Variants in ABLIM3 observed in about 807,000 individuals in gnomAD.
ABLIM3 encodes actin-binding LIM protein 3.
A neutral mutation model predicts 109.5 loss-of-function variants in ABLIM3; 61 were observed. That is an observed-to-expected ratio of 0.56 (90% CI 0.45 to 0.69). The LOEUF (loss-of-function observed/expected upper bound fraction) is 0.69. Among genes scored for constraint, ABLIM3 ranks in the 30% least tolerant of loss-of-function variants. ABLIM3 has a pLI of 0.00. For synonymous variants in ABLIM3, 300 were observed against 324.8 expected (o/e 0.92, Z 0.82); for missense variants, 796 against 889.5 (o/e 0.89, Z 1.34).
intron 2 of ABLIM3, among the ~76,000 whole-genome samples, chr5:149,165,538 A>G (rs950734271): frequency 3.9e-5 from 6 of 152,240 alleles, no homozygotes; most frequent in African/African-American, 1.4e-4. Context: ...AGTTCCAACT[A>G]GCTCAAGTGA....
rs184369806 is a variant in ABLIM3, at chr5:149,183,697, A to C, written c.151+108A>C. The C allele has an allele frequency of 1.4e-4, 177 of 1,280,414 alleles. 1 individual carries two copies. The African/African-American group carries it at 1.7e-3, about 12-fold the overall frequency. 79.3% of individuals were successfully genotyped at this position (1,280,414 alleles called of 1,614,324 possible). Reference sequence around the variant, plus strand: ...ACAAACACAGGTGGCTGGAATATCTATAAAGACCTAAAGAGACTTTCCCTG... The same window carrying C: ...ACAAACACAGGTGGCTGGAATATCTCTAAAGACCTAAAGAGACTTTCCCTG... On this transcript the variant is annotated intron_variant, in intron 3 of 23. Transcript: ENST00000309868.
At position 149,251,350 on chromosome 5, in the gene ABLIM3, C is replaced by T. The variant is rs746026359; in HGVS notation, c.1789-9C>T. On this transcript the variant is annotated splice_polypyrimidine_tract_variant and intron_variant, in intron 20 of 23. Coordinates refer to ENST00000309868, the MANE Select transcript of ABLIM3 (RefSeq NM_014945.5). The stretch of plus-strand genomic sequence containing the variant: ...TCTCAGGCCAGCCGTGGTTCTGTCT[C>T]TTCTGCAGACACCCAGCGCAGACCT... The T allele has an allele frequency of 2.4e-5, 39 of 1,614,098 alleles. No homozygotes were observed. The highest frequency in any genetic ancestry group is 2.5e-5 in the Non-Finnish European group (30 of 1,180,000).
Position 149,258,793 on chromosome 5 carries a change from C to T in ABLIM3, c.*389C>T. 4 of 993,974 alleles carry T rather than the reference C, an allele frequency of 4.0e-6. No individual in the cohort carries two copies. The highest frequency in any genetic ancestry group is 4.8e-6 in the Non-Finnish European group (4 of 835,816). 61.6% of individuals were successfully genotyped at this position (993,974 alleles called of 1,614,324 possible). A position where few individuals can be genotyped will look rare whatever the true frequency, so the allele number is the denominator to read the frequency against. On this transcript the variant is annotated 3_prime_UTR_variant, in exon 24 of 24. Coordinates refer to ENST00000309868, the MANE Select transcript of ABLIM3 (RefSeq NM_014945.5). ...GCTGATGCTGACCATGTGGTTTCCA[C>T]ACCTTATTGGCCCCAGAGGGGCCCT...
intron 11 of ABLIM3, 36 bp from the exon 12 acceptor site, chr5:149,239,212 C>T (rs202141786): frequency 7.4e-5 from 120 of 1,611,902 alleles, no homozygotes; most frequent in East Asian, 3.3e-4. Context: ...TCCTTCTGCT[C>T]GTTCCACAAC....
chr5:149,147,054 G>C (rs1383805082), intron 2 of ABLIM3, among the ~76,000 whole-genome samples: 2 of 148,204 alleles, frequency 1.3e-5, no homozygotes, highest in Non-Finnish European at 3.0e-5. Context: ...ATATTCCTAG[G>C]GTTTCTCTCT....
intron 16 of ABLIM3, among the ~76,000 whole-genome samples, chr5:149,245,996 C>CA (rs1212127787): frequency 2.0e-5 from 3 of 152,002 alleles, no homozygotes; most frequent in Non-Finnish European, 4.4e-5. Context: ...TTCTTCTCTA[C>CA]AAAAAAATTT....
intron 8 of ABLIM3, among the ~76,000 whole-genome samples, chr5:149,224,414 C>A (rs1307524888): frequency 1.3e-5 from 2 of 152,196 alleles, no homozygotes; most frequent in Non-Finnish European, 2.9e-5. Context: ...AAGCTTCAGG[C>A]CCACTTCATC....
At chr5:149,252,309 A>G in intron 22 of ABLIM3, 101 bp downstream of exon 22, 1 of 1,372,732 alleles carries the variant, frequency 7.3e-7, no homozygotes, top group Non-Finnish European at 1.0e-6. Flanking sequence ...AGGGAAGGGA[A>G]CATAGATAAA....
intron 2 of ABLIM3, among the ~76,000 whole-genome samples, chr5:149,159,791 A>G (rs1489271441): frequency 6.6e-6 from 1 of 152,064 alleles, no homozygotes; most frequent in Non-Finnish European, 1.5e-5. Context: ...CTCCTCTCCA[A>G]CTTATTTTGT....
intron 20 of ABLIM3, 99 bp downstream of exon 20, chr5:149,250,604 T>C: frequency 3.6e-6 from 5 of 1,377,474 alleles, no homozygotes; most frequent in Non-Finnish European, 5.1e-6. Flanking sequence ...GCAAAGGTCC[T>C]GGGGCTAGTG....
intron 2 of ABLIM3, among the ~76,000 whole-genome samples, chr5:149,170,967 A>C (rs900134017): frequency 2.0e-5 from 3 of 152,156 alleles, no homozygotes; most frequent in African/African-American, 7.2e-5. Flanking sequence ...CCATCTCTCC[A>C]TGGTACTTTC....
At position 149,239,263 on chromosome 5, in the gene ABLIM3, T is replaced by A; in HGVS notation, c.1060T>A (p.Ser354Thr). Residue 354 changes from serine to threonine, a missense_variant, in exon 12 of 24, where the codon TCT (serine) becomes ACT (threonine). By Grantham distance (58) the Ser-to-Thr change is moderately conservative. Transcript: ENST00000309868. ...CGYGESLGTL[S>T]PYSQDIYENL... Reference sequence around the variant, plus strand: ...CACTTCTAAGTCGCTGGGAACATTATCTCCCTACTCCCAGGTAATTCAGCT... The same window carrying A: ...CACTTCTAAGTCGCTGGGAACATTAACTCCCTACTCCCAGGTAATTCAGCT... The A allele has an allele frequency of 6.2e-7, 1 of 1,614,082 alleles. No homozygotes were observed.
chr5:149,180,551 G>A (rs1302497130), intron 2 of ABLIM3, among the ~76,000 whole-genome samples: 1 of 152,158 alleles, frequency 6.6e-6, no homozygotes, highest in Non-Finnish European at 1.5e-5. Flanking sequence ...CCACACCTGT[G>A]AGCTCAAATC....
intron 3 of ABLIM3, among the ~76,000 whole-genome samples, chr5:149,186,148 G>A (rs1756937583): frequency 1.3e-5 from 2 of 152,192 alleles, no homozygotes; most frequent in Admixed American, 6.5e-5. Flanking sequence ...TAAAACAGTG[G>A]CTCACTCCTG....
At chr5:149,232,034 G>A (rs1761915598) in intron 9 of ABLIM3, among the ~76,000 whole-genome samples, 1 of 152,202 alleles carries the variant, frequency 6.6e-6, no homozygotes, top group African/African-American at 2.4e-5. Context: ...GGCTGGGAGT[G>A]GTGGCTCAAG....
chr5:149,170,754 A>G lies in ABLIM3; in HGVS notation c.14-12698A>G, dbSNP rs147257302. Among the ~76,000 whole-genome samples, 33 of 152,332 alleles carry G rather than the reference A, an allele frequency of 2.2e-4. No individual in the cohort carries two copies. In the East Asian group the frequency reaches 6.2e-3, roughly 28 times the overall value. Reference sequence around the variant, plus strand: ...AACTTTGAATGATGCTTTGTTTCCTAAAGATAAAATGGAATGTTCGTCCGT... The same window carrying G: ...AACTTTGAATGATGCTTTGTTTCCTGAAGATAAAATGGAATGTTCGTCCGT... On this transcript the variant is annotated intron_variant, in intron 2 of 23. Coordinates refer to ENST00000309868, the MANE Select transcript of ABLIM3 (RefSeq NM_014945.5).
intron 4 of ABLIM3, among the ~76,000 whole-genome samples, chr5:149,199,335 C>T (rs1399072162): frequency 6.6e-6 from 1 of 152,162 alleles, no homozygotes; most frequent in Non-Finnish European, 1.5e-5. Context: ...AGTCACTTAC[C>T]AGTTAGAATA....
intron 4 of ABLIM3, 33 bp from the exon 5 acceptor site, chr5:149,200,283 G>T: frequency 6.3e-7 from 1 of 1,581,710 alleles, no homozygotes; most frequent in Non-Finnish European, 8.7e-7. Flanking sequence ...TCAGAAGAGG[G>T]TGTGTTGAAT....
chr5:149,225,916 C>CATAT (rs1561607151), intron 8 of ABLIM3, among the ~76,000 whole-genome samples: 1 of 39,158 alleles, frequency 2.6e-5, no homozygotes, highest in African/African-American at 1.1e-4. Context: ...AGTATTCCAT[C>CATAT]ATATATACAT....
Sources: allele counts gnomAD v4.1 joint callset (sites outside exome capture counted in the v4.1 genomes callset), GRCh38; gene constraint gnomAD v4.1.1; transcripts MANE v1.5; gene names NCBI Gene and HGNC (gene_info 2026-07-23, HGNC 2026-07-21).